The following DPH6 variants were observed in gnomAD, a reference collection of about 807,000 sequenced individuals.
DPH6 encodes diphthine--ammonia ligase.
A neutral mutation model predicts 38.2 loss-of-function variants in DPH6; 33 were observed. The observed-to-expected ratio is 0.86, with a 90% CI of 0.65 to 1.15. The LOEUF (loss-of-function observed/expected upper bound fraction) is 1.15. Ranked by LOEUF, DPH6 falls within the 50% of genes most tolerant of loss-of-function variation. The probability of loss-of-function intolerance (pLI) is 0.00; values close to 1 mark genes in which losing one functional copy is unlikely to be tolerated. For missense variants in DPH6, 325 were observed against 320.0 expected (o/e 1.02, Z -0.12); for synonymous variants, 108 against 103.0 (o/e 1.05, Z -0.30).
the DPH6 span, among the ~76,000 whole-genome samples, chr15:35,176,035 G>A: frequency 6.6e-5 from 10 of 152,112 alleles, no homozygotes; most frequent in African/African-American, 2.4e-4. Flanking sequence ...CCTTCAACTG[G>A]CATTTCAACT....
chr15:35,389,311 T>C (rs2053018545), intron 6 of DPH6, among the ~76,000 whole-genome samples: 1 of 152,224 alleles, frequency 6.6e-6, no homozygotes, highest in Non-Finnish European at 1.5e-5. Flanking sequence ...AAAGAATGTA[T>C]ATTCTGTTGA....
chr15:35,189,702 T>C, the DPH6 span, among the ~76,000 whole-genome samples: 3 of 152,296 alleles, frequency 2.0e-5, no homozygotes, highest in East Asian at 3.9e-4. Context: ...CTGAAATAAA[T>C]TGGCTATAGA....
chr15:35,215,590 T>C (rs1467557411), downstream of DPH6, among the ~76,000 whole-genome samples: 1 of 152,146 alleles, frequency 6.6e-6, no homozygotes, highest in Non-Finnish European at 1.5e-5. Flanking sequence ...AGTCTTGATT[T>C]GTTGGCCAGG....
At chr15:35,521,431 C>A (rs1292117542) in intron 3 of DPH6, 26 of 1,143,470 alleles carry the variant, frequency 2.3e-5, no homozygotes, top group Non-Finnish European at 2.8e-5. Flanking sequence ...TGAACAAATT[C>A]AGAAAAATTA....
At chr15:35,327,255 T>C (rs1292369305), downstream of DPH6, among the ~76,000 whole-genome samples, 2 of 152,142 alleles carry the variant, frequency 1.3e-5, no homozygotes, top group African/African-American at 4.8e-5. Context: ...AGTTTGTAAA[T>C]GCTTCCTAAA....
At chr15:35,339,314 C>CATTATTATT (rs550954918) in intron 3 of DPH6, among the ~76,000 whole-genome samples, 4,154 of 149,190 alleles carry the variant, frequency 0.028, 173 homozygotes, top group African/African-American at 0.092. Flanking sequence ...GCCTTAATTT[C>CATTATTATT]ATTATTATTA....
chr15:35,545,937 G>C (rs1472201164), intron 1 of DPH6, among the ~76,000 whole-genome samples, 182 bp downstream of exon 1: 2 of 152,136 alleles, frequency 1.3e-5, no homozygotes, highest in African/African-American at 4.8e-5. Context: ...GCGCCAGCCA[G>C]GGGCCGAGGC....
chr15:35,515,449 C>T (rs759998914), intron 3 of DPH6, among the ~76,000 whole-genome samples: 4 of 151,828 alleles, frequency 2.6e-5, no homozygotes, highest in African/African-American at 4.8e-5. Context: ...AGGCCGGGTG[C>T]GGTGGCTCAC....
intron 3 of DPH6, among the ~76,000 whole-genome samples, chr15:35,479,976 T>C (rs2054307659): frequency 6.6e-6 from 1 of 152,092 alleles, no homozygotes; most frequent in Admixed American, 6.6e-5. Flanking sequence ...ATATTTATTA[T>C]TGAATTACAA....
chr15:35,261,478 T>C (rs2051745923), intron 3 of DPH6, among the ~76,000 whole-genome samples: 2 of 152,168 alleles, frequency 1.3e-5, no homozygotes, highest in South Asian at 4.1e-4. Flanking sequence ...ATGGTAGAAG[T>C]GCTTAGGTTA....
chr15:35,249,585 T>C (rs2051657836), intron 3 of DPH6, among the ~76,000 whole-genome samples: 1 of 152,208 alleles, frequency 6.6e-6, no homozygotes, highest in Non-Finnish European at 1.5e-5. Context: ...AGTCTTTATA[T>C]TGAGAGACAA....
intron 3 of DPH6, among the ~76,000 whole-genome samples, chr15:35,230,535 G>T (rs1422977353): frequency 3.3e-5 from 5 of 151,958 alleles, no homozygotes; most frequent in Middle Eastern, 3.2e-3. Context: ...GCTGAGCCGG[G>T]ATCCAAGGTG....
chr15:35,283,322 T>C (rs550561772), intron 3 of DPH6, among the ~76,000 whole-genome samples: 11 of 151,932 alleles, frequency 7.2e-5, no homozygotes, highest in African/African-American at 2.4e-4. Context: ...TTCTTTCTTT[T>C]GAGTCAGAGT....
At chr15:35,467,485 G>T (rs2054141607) in intron 3 of DPH6, among the ~76,000 whole-genome samples, 1 of 152,208 alleles carries the variant, frequency 6.6e-6, no homozygotes, top group South Asian at 2.1e-4. Flanking sequence ...AGAATCGCCT[G>T]AACCTGGGAG....
At chr15:35,453,988 ATT>A (rs57185950) in intron 4 of DPH6, among the ~76,000 whole-genome samples, 1 of 151,770 alleles carries the variant, frequency 6.6e-6, no homozygotes, top group African/African-American at 2.4e-5. Flanking sequence ...ATGCAGTCCA[ATT>A]TTTTTTGTTA....
intron 3 of DPH6, among the ~76,000 whole-genome samples, chr15:35,481,210 C>A (rs563814393): frequency 6.6e-6 from 1 of 152,142 alleles, no homozygotes; most frequent in African/African-American, 2.4e-5. Context: ...ATGTGGTATA[C>A]CGCATTCTAC....
the DPH6 span, among the ~76,000 whole-genome samples, chr15:35,178,473 GT>G: frequency 0.029 from 4,347 of 152,182 alleles, 282 homozygotes; most frequent in East Asian, 0.3. Flanking sequence ...CTTATTCACT[GT>G]CACAAGAACA....
chr15:35,466,214 T>C (rs1399688595), intron 3 of DPH6, among the ~76,000 whole-genome samples: 1 of 151,962 alleles, frequency 6.6e-6, no homozygotes, highest in Non-Finnish European at 1.5e-5. Flanking sequence ...TTAAAATTAA[T>C]TAAAAATAAT....
At chr15:35,425,738 T>C (rs1396488602) in intron 5 of DPH6, among the ~76,000 whole-genome samples, 3 of 149,262 alleles carry the variant, frequency 2.0e-5, no homozygotes, top group Admixed American at 6.7e-5. Context: ...TTGGGATGGA[T>C]AGACTCAATC....
Sources: allele counts gnomAD v4.1 joint callset (sites outside exome capture counted in the v4.1 genomes callset), GRCh38; gene constraint gnomAD v4.1.1; transcripts MANE v1.5; gene names NCBI Gene and HGNC (gene_info 2026-07-23, HGNC 2026-07-21).